SLC25A13: variants seen among roughly 807,000 people sequenced by gnomAD.
SLC25A13 encodes electrogenic aspartate/glutamate antiporter SLC25A13, mitochondrial.
In SLC25A13, 70 loss-of-function variants were observed where a neutral mutation model predicts 85.5. The ratio of observed to expected loss-of-function variants is 0.82; its 90% CI spans 0.68 to 1.00. The LOEUF (loss-of-function observed/expected upper bound fraction) is 1.00, where lower values mean the gene tolerates loss of function less well. SLC25A13 is among the 50% of genes least tolerant of loss of function. The pLI is 0.00. For synonymous variants in SLC25A13, 259 were observed against 288.7 expected (o/e 0.90, Z 1.04); for missense variants, 765 against 819.8 (o/e 0.93, Z 0.82).
At chr7:96,183,595 G>C (rs1212238171) in intron 11 of SLC25A13, among the ~76,000 whole-genome samples, 3 of 152,220 alleles carry the variant, frequency 2.0e-5, no homozygotes. Flanking sequence ...CAGTTGAGAA[G>C]TCTCCTTCGG....
intron 2 of SLC25A13, 147 bp downstream of exon 2, chr7:96,296,751 G>A: frequency 1.4e-6 from 1 of 733,080 alleles, no homozygotes; most frequent in Non-Finnish European, 2.3e-6. Flanking sequence ...AAAGTGCTGG[G>A]ATTACAGGCA....
chr7:96,248,663 G>A (rs1270306655), intron 3 of SLC25A13, among the ~76,000 whole-genome samples: 1 of 152,168 alleles, frequency 6.6e-6, no homozygotes, highest in African/African-American at 2.4e-5. Context: ...CAGTCTGGGG[G>A]CTGGGAAGTA....
In SLC25A13 at chr7:96,131,843, C is replaced by T. The variant is rs775532487; in HGVS notation, c.1491G>A (p.Ser497=). The change falls in exon 15 of 18, where the codon TCG becomes TCA. Residue 497 remains serine, a synonymous_variant. Transcript: ENST00000265631. ...GAGCATAGCACGGAAAGTAGATGGC[C>T]GAGAAAGGAATGTCCCGCAGAAAGC... ...KACFLRDIPF[S]AIYFPCYAHV... 24 of 1,613,890 alleles carry T rather than the reference C, an allele frequency of 1.5e-5. No homozygotes were observed. Among genetic ancestry groups the T allele is most frequent in the Middle Eastern group, 1.6e-4 (1 of 6,062 alleles).
At chr7:96,184,688 C>A in intron 10 of SLC25A13, 1 of 627,726 alleles carries the variant, frequency 1.6e-6, no homozygotes, top group Non-Finnish European at 2.8e-6. Flanking sequence ...TCATTAGTAA[C>A]CTGTCTTTGG....
At chr7:96,173,465 T>C (rs974907660) in intron 11 of SLC25A13, among the ~76,000 whole-genome samples, 3 of 152,244 alleles carry the variant, frequency 2.0e-5, no homozygotes, top group African/African-American at 4.8e-5. Flanking sequence ...CAACTCTGTG[T>C]TAATGTGCAA....
At position 96,131,733 on chromosome 7, in the gene SLC25A13, G is replaced by A; in HGVS notation, c.1591+10C>T. 1 of 1,613,768 alleles carries A rather than the reference G, an allele frequency of 6.2e-7. No homozygotes were observed. The highest frequency in any genetic ancestry group is 8.5e-7 in the Non-Finnish European group (1 of 1,179,884). The stretch of plus-strand genomic sequence containing the variant: ...CAGGGAAGTAAGAGAACTCCATGGG[G>A]GACACTCACCAGCTATGGCACCAGC... On this transcript the variant is annotated intron_variant, in intron 15 of 17. Coordinates refer to ENST00000265631, the MANE Select transcript of SLC25A13 (RefSeq NM_014251.3).
chr7:96,242,375 C>A (rs781519136), intron 3 of SLC25A13, among the ~76,000 whole-genome samples: 34 of 152,110 alleles, frequency 2.2e-4, no homozygotes, highest in Non-Finnish European at 4.6e-4. Context: ...CTTCTCTTTC[C>A]CGCCCATATT....
chr7:96,306,780 C>A, intron 1 of SLC25A13: 3 of 1,232,190 alleles, frequency 2.4e-6, no homozygotes, highest in Non-Finnish European at 3.6e-6. Context: ...CCTCTGATAC[C>A]TCCTAGTGCC....
At chr7:96,149,392 T>G (rs3757699) in intron 13 of SLC25A13, among the ~76,000 whole-genome samples, 56,292 of 152,034 alleles carry the variant, frequency 0.37, 10,730 homozygotes, top group East Asian at 0.58. Context: ...TGGTAAAAGT[T>G]GCTAGCATTA....
Position 96,182,589 on chromosome 7 carries a change from C to T in SLC25A13, c.1177+1688G>A, listed in dbSNP as rs998172074. On this transcript the variant is annotated intron_variant, in intron 11 of 17. Coordinates refer to ENST00000265631, the MANE Select transcript of SLC25A13 (RefSeq NM_014251.3). ...CACTCTCATCTTACAGATAAAAGAA[C>T]TGAAACGGCAAGAGTGGAAGCCTCT... Among the ~76,000 whole-genome samples the T allele has an allele frequency of 2.6e-5, 4 of 152,312 alleles. No individual in the cohort carries two copies. The East Asian group carries it at 7.7e-4, about 29-fold the overall frequency.
chr7:96,298,679 C>G lies in SLC25A13; in HGVS notation c.16-1728G>C, dbSNP rs572086033. The stretch of plus-strand genomic sequence containing the variant: ...AACTCGTGACCTTAGGTGATCTGCC[C>G]GCCTCAGACTCCCAAAACGCTGGGA... On this transcript the variant is annotated intron_variant, in intron 1 of 17. Transcript: ENST00000265631. Among the ~76,000 whole-genome samples the G allele has an allele frequency of 2.2e-4, 33 of 152,226 alleles. 1 individual carries two copies. The highest frequency in any genetic ancestry group is 7.0e-4 in the African/African-American group (29 of 41,528).
At chr7:96,272,561 C>T (rs997212038) in intron 3 of SLC25A13, among the ~76,000 whole-genome samples, 2 of 152,102 alleles carry the variant, frequency 1.3e-5, no homozygotes, top group African/African-American at 2.4e-5. Flanking sequence ...AAGGCAGGAA[C>T]GGTCCAAGGT....
chr7:96,215,649 A>C (rs745708530), intron 4 of SLC25A13, among the ~76,000 whole-genome samples: 1 of 152,192 alleles, frequency 6.6e-6, no homozygotes, highest in Non-Finnish European at 1.5e-5. Context: ...AATGGATCAA[A>C]GACCTAACTA....
chr7:96,143,454 GT>G (rs1037890560), intron 14 of SLC25A13, among the ~76,000 whole-genome samples: 111 of 152,236 alleles, frequency 7.3e-4, no homozygotes, highest in African/African-American at 2.5e-3. Flanking sequence ...TTGCAGATTT[GT>G]TTTCTTAGCT....
chr7:96,216,135 G>A (rs139087762), intron 4 of SLC25A13, among the ~76,000 whole-genome samples: 2,205 of 150,710 alleles, frequency 0.015, 50 homozygotes, highest in African/African-American at 0.051. Flanking sequence ...CAGCCTGGGC[G>A]ACAGAGAGAG....
At chr7:96,283,945 A>C (rs1323498746) in intron 2 of SLC25A13, 6 of 152,664 alleles carry the variant, frequency 3.9e-5, no homozygotes, top group African/African-American at 1.4e-4. Context: ...TTTACTAATC[A>C]AATTTAACGT....
intron 3 of SLC25A13, among the ~76,000 whole-genome samples, chr7:96,247,941 T>C (rs1797266724): frequency 6.6e-6 from 1 of 151,046 alleles, no homozygotes; most frequent in East Asian, 2.0e-4. Flanking sequence ...AATGTCTGCA[T>C]TGAGAGTAGC....
At chr7:96,292,638 G>C (rs1417211317) in intron 2 of SLC25A13, among the ~76,000 whole-genome samples, 3 of 152,098 alleles carry the variant, frequency 2.0e-5, no homozygotes, top group Non-Finnish European at 1.5e-5. Context: ...ACCAATAACA[G>C]ACAAACAGAG....
intron 5 of SLC25A13, among the ~76,000 whole-genome samples, chr7:96,206,842 G>C (rs1217439737): frequency 6.6e-6 from 1 of 152,202 alleles, no homozygotes; most frequent in East Asian, 1.9e-4. Flanking sequence ...GCTGTGAGCA[G>C]TTGAAAATCT....
Sources: allele counts gnomAD v4.1 joint callset (sites outside exome capture counted in the v4.1 genomes callset), GRCh38; gene constraint gnomAD v4.1.1; transcripts MANE v1.5; gene names NCBI Gene and HGNC (gene_info 2026-07-23, HGNC 2026-07-21).